The following FGF23 variants were observed in gnomAD, a reference collection of about 807,000 sequenced individuals.
The protein encoded by FGF23 is phosphatonin.
A neutral mutation model predicts 9.0 loss-of-function variants in FGF23; 8 were observed. That is an observed-to-expected ratio of 0.89 (90% CI 0.52 to 1.60). The LOEUF (loss-of-function observed/expected upper bound fraction) is 1.60. Among genes scored for constraint, FGF23 ranks in the 40% most tolerant of loss-of-function variants. The pLI is 0.00. For missense variants in FGF23, 311 were observed against 344.3 expected (o/e 0.90, Z 0.77); for synonymous variants, 118 against 146.2 (o/e 0.81, Z 1.39).
At chr12:4,370,884 C>G in intron 2 of FGF23, 101 bp from the exon 3 acceptor site, 1 of 980,406 alleles carries the variant, frequency 1.0e-6, no homozygotes. Flanking sequence ...CGGCCTGAAG[C>G]TCTGCAGTTC....
At chr12:4,374,649 CAAA>C (rs55658971) in intron 1 of FGF23, among the ~76,000 whole-genome samples, 3 of 127,698 alleles carry the variant, frequency 2.3e-5, no homozygotes, top group Non-Finnish European at 1.7e-5. Flanking sequence ...GACTCCGTCT[CAAA>C]AAAAAAAAAA....
rs1295460683 is a variant in FGF23, at chr12:4,369,880, A to G, written c.*463T>C. On this transcript the variant is annotated 3_prime_UTR_variant, in exon 3 of 3. Coordinates refer to ENST00000237837, the MANE Select transcript of FGF23 (RefSeq NM_020638.3). The stretch of plus-strand genomic sequence containing the variant: ...AATGCCAGTGGGATCGGGGCATCTA[A>G]CATAAATGCATAGGGCAGTGGAGAA... 1.3e-5 allele frequency: 3 copies of G among 231,864 alleles called. No homozygotes were observed. Among genetic ancestry groups the G allele is most frequent in the Non-Finnish European group, 2.5e-5 (3 of 117,862 alleles). The allele number at this position is 231,864 out of a possible 1,614,324, so 14.4% of individuals were successfully genotyped here.
At chr12:4,375,164 G>A (rs1183772865) in intron 1 of FGF23, among the ~76,000 whole-genome samples, 1 of 152,194 alleles carries the variant, frequency 6.6e-6, no homozygotes, top group Non-Finnish European at 1.5e-5. Flanking sequence ...GGTGATGATC[G>A]AAGGGGATAA....
At position 4,372,678 on chromosome 12, in the gene FGF23, T is replaced by C; in HGVS notation, c.231A>G (p.Ser77=). The C allele has an allele frequency of 6.2e-7, 1 of 1,612,542 alleles. No homozygotes were observed. Among genetic ancestry groups the C allele is most frequent in the South Asian group, 1.1e-5 (1 of 91,040 alleles). The change falls in exon 2 of 3, where the codon TCA becomes TCG. Residue 77 remains serine (S), a synonymous_variant. Transcript: ENST00000237837. The stretch of plus-strand genomic sequence containing the variant: ...TAATCACCACAAAGCCAGCATCCTC[T>C]GATCTGATCATCAGGGCACCTATGG... The part of the protein sequence containing the change: ...QTIYSALMIR[S]EDAGFVVITG...
rs1865029694 is a variant in FGF23 at position 4,368,711 on chromosome 12, C to A, written c.*1632G>T. ...TTTGGGATCTTTCACTGAGGAGCCT[C>A]CAATAGCTATTATGCAGGATAATAT... is the stretch of plus-strand genomic sequence containing the variant. On this transcript the variant is annotated 3_prime_UTR_variant, in exon 3 of 3. Transcript: ENST00000237837. The A allele has an allele frequency of 4.9e-6, 1 of 203,410 alleles. No individual in the cohort carries two copies. 12.6% of individuals were successfully genotyped at this position (203,410 alleles called of 1,614,324 possible).
At position 4,372,662 on chromosome 12, in the gene FGF23, C is replaced by G; in HGVS notation, c.247G>C (p.Val83Leu). The G allele has an allele frequency of 1.9e-6, 3 of 1,613,766 alleles. No homozygotes were observed. Among genetic ancestry groups the G allele is most frequent in the Non-Finnish European group, 2.5e-6 (3 of 1,179,692 alleles). ...CTGCTCATCACACCTGTAATCACCA[C>G]AAAGCCAGCATCCTCTGATCTGATC... ...LMIRSEDAGF[V>L]VITGVMSRRY... The change falls in exon 2 of 3, where the codon GTG (valine) becomes CTG (leucine). Residue 83 changes from valine (V) to leucine (L), a missense_variant. Around this residue, in one of 3 missense-constraint regions of FGF23, gnomAD observed 102 missense variants for 108.2 expected, o/e 0.94. Transcript: ENST00000237837.
intron 1 of FGF23, among the ~76,000 whole-genome samples, chr12:4,374,799 GATT>G (rs201121348): frequency 4.6e-5 from 7 of 152,158 alleles, no homozygotes; most frequent in East Asian, 1.9e-4. Flanking sequence ...TGTTAGTACT[GATT>G]ATTATTATTA....
rs1286655261 is a variant in FGF23, at chr12:4,370,272, A to G, written c.*71T>C. ...TCACCTTTCCCATCCTCGGAACGTC[A>G]AGGGACCTGGTCCTTGGGAAGAGCT... is the stretch of plus-strand genomic sequence containing the variant. On this transcript the variant is annotated 3_prime_UTR_variant, in exon 3 of 3. Transcript: ENST00000237837. 1 of 1,463,098 alleles carries G rather than the reference A, an allele frequency of 6.8e-7. No individual in the cohort carries two copies. The highest frequency in any genetic ancestry group is 9.5e-7 in the Non-Finnish European group (1 of 1,052,174). The allele number at this position is 1,463,098 out of a possible 1,614,324, so 90.6% of individuals were successfully genotyped here.
intron 1 of FGF23, among the ~76,000 whole-genome samples, chr12:4,374,813 T>TAG (rs1865100783): frequency 2.6e-5 from 4 of 151,184 alleles, no homozygotes; most frequent in Non-Finnish European, 4.4e-5. Flanking sequence ...ATTATTATTA[T>TAG]TAGTAGTAGT....
chr12:4,375,726 C>T (rs543203495), intron 1 of FGF23, among the ~76,000 whole-genome samples: 2 of 152,164 alleles, frequency 1.3e-5, no homozygotes, highest in Non-Finnish European at 2.9e-5. Context: ...TATTTAAGTT[C>T]TTTAACTCTT....
chr12:4,371,525 A>G (rs1236141195), intron 2 of FGF23, among the ~76,000 whole-genome samples: 1 of 152,194 alleles, frequency 6.6e-6, no homozygotes, highest in Admixed American at 6.5e-5. Context: ...TCTAGTGGGC[A>G]TGTGTGGTGG....
intron 1 of FGF23, among the ~76,000 whole-genome samples, chr12:4,374,955 A>T (rs569208220): frequency 2.0e-5 from 3 of 152,282 alleles, no homozygotes; most frequent in African/African-American, 7.2e-5. Flanking sequence ...AGACAATATC[A>T]AATGCTAAAA....
At chr12:4,379,057 T>C (rs1352160550) in intron 1 of FGF23, among the ~76,000 whole-genome samples, 1 of 152,200 alleles carries the variant, frequency 6.6e-6, no homozygotes, top group Non-Finnish European at 1.5e-5. Context: ...TGTACATTTT[T>C]TCAATCTTTT....
At position 4,369,048 on chromosome 12, in the gene FGF23, C is replaced by T. The variant is rs186266299; in HGVS notation, c.*1295G>A. 4 of 227,792 alleles carry T rather than the reference C, an allele frequency of 1.8e-5. No homozygotes were observed. Among genetic ancestry groups the T allele is most frequent in the Non-Finnish European group, 1.7e-5 (2 of 114,638 alleles). 14.1% of individuals were successfully genotyped at this position (227,792 alleles called of 1,614,324 possible). A position where few individuals can be genotyped will look rare whatever the true frequency, so the allele number is the denominator to read the frequency against. On this transcript the variant is annotated 3_prime_UTR_variant, in exon 3 of 3. Transcript: ENST00000237837. Reference sequence around the variant, plus strand: ...GAGGGAGGAAAATGGAGCCCCCTTACAGGAAGAACCGCAGTAATGGGGTAA... The same window carrying T: ...GAGGGAGGAAAATGGAGCCCCCTTATAGGAAGAACCGCAGTAATGGGGTAA...
intron 1 of FGF23, 96 bp from the exon 2 acceptor site, chr12:4,372,793 T>C (rs902079505): frequency 8.5e-6 from 7 of 819,422 alleles, no homozygotes; most frequent in African/African-American, 6.7e-5. Context: ...CCTCCCTGGA[T>C]TGATTTTAAG....
In FGF23 at chr12:4,369,299, T is replaced by G; in HGVS notation, c.*1044A>C. The G allele has an allele frequency of 4.3e-6, 1 of 231,570 alleles. No individual in the cohort carries two copies. The highest frequency in any genetic ancestry group is 8.5e-6 in the Non-Finnish European group (1 of 117,030). 14.3% of individuals were successfully genotyped at this position (231,570 alleles called of 1,614,324 possible). On this transcript the variant is annotated 3_prime_UTR_variant, in exon 3 of 3. Coordinates refer to ENST00000237837, the MANE Select transcript of FGF23 (RefSeq NM_020638.3). ...TCATTTAGAGAAAAGGACACGATTT[T>G]TCAGTCCACAGAAAACCTAACCCAG...
Position 4,370,199 on chromosome 12 carries a change from C to T in FGF23, c.*144G>A. The stretch of plus-strand genomic sequence containing the variant: ...TCAAAGGTTGGTTCTCACAGGACCT[C>T]CTGTGGAAGGGACCCCAGAGAAGCA... On this transcript the variant is annotated 3_prime_UTR_variant, in exon 3 of 3. Transcript: ENST00000237837. 5 of 809,278 alleles carry T rather than the reference C, an allele frequency of 6.2e-6. No homozygotes were observed. Among genetic ancestry groups the T allele is most frequent in the African/African-American group, 1.7e-5 (1 of 59,716 alleles). The allele number at this position is 809,278 out of a possible 1,614,324, so 50.1% of individuals were successfully genotyped here.
At chr12:4,377,179 T>C (rs1865125408) in intron 1 of FGF23, among the ~76,000 whole-genome samples, 1 of 152,126 alleles carries the variant, frequency 6.6e-6, no homozygotes, top group Non-Finnish European at 1.5e-5. Flanking sequence ...AAGGTCTAAG[T>C]TCAGACTGCC....
chr12:4,375,863 C>T (rs981470894), intron 1 of FGF23, among the ~76,000 whole-genome samples: 1 of 152,172 alleles, frequency 6.6e-6, no homozygotes, highest in African/African-American at 2.4e-5. Context: ...TTTACTATTA[C>T]CACTTTGCTT....
Sources: allele counts gnomAD v4.1 joint callset (sites outside exome capture counted in the v4.1 genomes callset), GRCh38; gene constraint gnomAD v4.1.1; regional missense constraint gnomAD v4.1.1; transcripts MANE v1.5; gene names NCBI Gene and HGNC (gene_info 2026-07-23, HGNC 2026-07-21).